The following KIAA1549 variants were observed in gnomAD, a reference collection of about 807,000 sequenced individuals.
KIAA1549 encodes KIAA1549.
KIAA1549 carries 70 observed loss-of-function variants against 156.4 expected under a neutral mutation model. The observed-to-expected ratio is 0.45, with a 90% CI of 0.37 to 0.55. KIAA1549 has a LOEUF of 0.55. Ranked by LOEUF, KIAA1549 falls within the 20% of genes least tolerant of loss-of-function variation. The pLI is 0.00. For missense variants in KIAA1549, 2,428 were observed against 2,540.9 expected (o/e 0.96, Z 0.96); for synonymous variants, 1,103 against 1,066.4 (o/e 1.03, Z -0.67).
Position 138,919,081 on chromosome 7 carries a change from G to A in KIAA1549, c.545C>T (p.Pro182Leu). 1 of 1,613,986 alleles carries A rather than the reference G, an allele frequency of 6.2e-7. No individual in the cohort carries two copies. Among genetic ancestry groups the A allele is most frequent in the Non-Finnish European group, 8.5e-7 (1 of 1,179,876 alleles). ...TAATGCTTCCCTGGGCAGCCCTGGT[G>A]GGCTGACTGTGATATACTGTATTGG... is the stretch of plus-strand genomic sequence containing the variant. ...VSPIQYITVS[P>L]PGLPREALEP... The change falls in exon 2 of 20, where the codon CCA becomes CTA. Residue 182 changes from proline to leucine, a missense_variant. Pro to Leu is a moderately conservative substitution (Grantham distance 98, BLOSUM62 -3). Coordinates refer to ENST00000422774, the MANE Select transcript of KIAA1549 (RefSeq NM_001164665.2).
Position 138,919,075 on chromosome 7 carries a change from C to G in KIAA1549, c.551G>C (p.Gly184Ala), listed in dbSNP as rs767003846. The G allele has an allele frequency of 6.2e-7, 1 of 1,613,966 alleles. No homozygotes were observed. Among genetic ancestry groups the G allele is most frequent in the Non-Finnish European group, 8.5e-7 (1 of 1,179,876 alleles). Reference sequence around the variant, plus strand: ...AGGTTCTAATGCTTCCCTGGGCAGCCCTGGTGGGCTGACTGTGATATACTG... The same window carrying G: ...AGGTTCTAATGCTTCCCTGGGCAGCGCTGGTGGGCTGACTGTGATATACTG... ...PIQYITVSPPGLPREALEPML... is the reference protein window; with the variant it reads ...PIQYITVSPPALPREALEPML... Residue 184 changes from glycine (G) to alanine (A), a missense_variant, in exon 2 of 20, where the codon GGG becomes GCG. Coordinates refer to ENST00000422774, the MANE Select transcript of KIAA1549 (RefSeq NM_001164665.2).
At chr7:138,961,712 C>T (rs141537154) in intron 1 of KIAA1549, among the ~76,000 whole-genome samples, 15 of 152,170 alleles carry the variant, frequency 9.9e-5, no homozygotes, top group African/African-American at 3.4e-4. Flanking sequence ...CACAGTGGCT[C>T]ATGCCTGTAG....
intron 12 of KIAA1549, among the ~76,000 whole-genome samples, chr7:138,875,283 A>G (rs1811049209): frequency 6.6e-6 from 1 of 150,946 alleles, no homozygotes; most frequent in South Asian, 2.1e-4. Context: ...CAAAAAACAC[A>G]TCATGTTGTA....
chr7:138,920,362 T>C (rs60054235), intron 1 of KIAA1549, among the ~76,000 whole-genome samples: 24,866 of 152,112 alleles, frequency 0.16, 2,665 homozygotes, highest in African/African-American at 0.3. Flanking sequence ...AAATGAACTA[T>C]CTGATCACTA....
In KIAA1549 at chr7:138,978,179, T is replaced by C. The variant is rs1292385985; in HGVS notation, c.187+2904A>G. On this transcript the variant is annotated intron_variant, in intron 1 of 19. Coordinates refer to ENST00000422774, the MANE Select transcript of KIAA1549 (RefSeq NM_001164665.2). Reference sequence around the variant, plus strand: ...GTAAATACAATTGTGCATATAATTCTTTTTTTAATGTTAACAACAAAAAAA... The same window carrying C: ...GTAAATACAATTGTGCATATAATTCCTTTTTTAATGTTAACAACAAAAAAA... 2.0e-5 allele frequency among the ~76,000 whole-genome samples: 3 copies of C among 152,214 alleles called. No homozygotes were observed. The East Asian group carries it at 5.8e-4, about 29-fold the overall frequency.
At chr7:138,872,371 A>AG (rs1403597544) in intron 12 of KIAA1549, among the ~76,000 whole-genome samples, 9 of 152,006 alleles carry the variant, frequency 5.9e-5, no homozygotes, top group African/African-American at 2.2e-4. Flanking sequence ...AAAAAAAAAA[A>AG]AAAGAAATTC....
chr7:138,844,210 C>G, intron 18 of KIAA1549, 107 bp downstream of exon 18: 1 of 1,246,954 alleles, frequency 8.0e-7, no homozygotes, highest in Non-Finnish European at 1.1e-6. Flanking sequence ...CCTGAAACAG[C>G]AGTGGCAGAG....
intron 8 of KIAA1549, among the ~76,000 whole-genome samples, chr7:138,899,840 C>T (rs1811791920): frequency 6.6e-6 from 1 of 152,170 alleles, no homozygotes; most frequent in African/African-American, 2.4e-5. Context: ...TGATTCATCC[C>T]AAAACTTCTC....
In KIAA1549 at chr7:138,962,139, G is replaced by A. The variant is rs1354389917; in HGVS notation, c.187+18944C>T. 5.9e-5 allele frequency among the ~76,000 whole-genome samples: 9 copies of A among 152,084 alleles called. No individual in the cohort carries two copies. The East Asian group carries it at 1.7e-3, about 29-fold the overall frequency. The stretch of plus-strand genomic sequence containing the variant: ...TAATTGTACTGGATAGGGTTATCAG[G>A]ATTACATGGCTTAATACAATTAATA... On this transcript the variant is annotated intron_variant, in intron 1 of 19. Transcript: ENST00000422774.
At chr7:138,961,883 G>A (rs1486505858) in intron 1 of KIAA1549, among the ~76,000 whole-genome samples, 2 of 150,084 alleles carry the variant, frequency 1.3e-5, no homozygotes, top group African/African-American at 4.9e-5. Context: ...AAAAAGAAAA[G>A]AAAGGAAGAA....
chr7:138,958,325 C>T (rs981874866), intron 1 of KIAA1549, among the ~76,000 whole-genome samples: 5 of 152,178 alleles, frequency 3.3e-5, no homozygotes, highest in African/African-American at 1.2e-4. Flanking sequence ...CTCTCCTGAC[C>T]AAGGGACGGG....
chr7:138,935,944 T>C (rs1812997895), intron 1 of KIAA1549, among the ~76,000 whole-genome samples: 1 of 152,106 alleles, frequency 6.6e-6, no homozygotes, highest in Admixed American at 6.6e-5. Context: ...ACTAGAAAAG[T>C]TGGCCCAAGA....
intron 8 of KIAA1549, among the ~76,000 whole-genome samples, chr7:138,901,676 T>C (rs980125167): frequency 7.2e-5 from 11 of 152,202 alleles, no homozygotes; most frequent in Admixed American, 2.6e-4. Flanking sequence ...AATGACTGCA[T>C]AAAATTCCAA....
chr7:138,849,120 T>C (rs1389511202), intron 17 of KIAA1549, among the ~76,000 whole-genome samples: 1 of 152,220 alleles, frequency 6.6e-6, no homozygotes, highest in African/African-American at 2.4e-5. Flanking sequence ...ATTCTTCTTA[T>C]TGATAATTTG....
Position 138,855,058 on chromosome 7 carries a change from G to A in KIAA1549, c.5248-2789C>T, listed in dbSNP as rs368688057. Among the ~76,000 whole-genome samples the A allele has an allele frequency of 2.0e-5, 3 of 152,240 alleles. No homozygotes were observed. In the East Asian group the frequency reaches 5.8e-4, roughly 29 times the overall value. ...TCCCCAGAATGCTCAGCATTACATT[G>A]CCACTTAGAGAGAGTACACTGAGGG... On this transcript the variant is annotated intron_variant, in intron 16 of 19. Coordinates refer to ENST00000422774, the MANE Select transcript of KIAA1549 (RefSeq NM_001164665.2).
chr7:138,882,146 G>A (rs1205926891), intron 10 of KIAA1549, among the ~76,000 whole-genome samples: 1 of 152,178 alleles, frequency 6.6e-6, no homozygotes, highest in Non-Finnish European at 1.5e-5. Flanking sequence ...TTCTAAACAG[G>A]CAGATTTCTA....
chr7:138,936,097 C>T (rs2130513266), intron 1 of KIAA1549, among the ~76,000 whole-genome samples: 1 of 152,282 alleles, frequency 6.6e-6, no homozygotes, highest in Non-Finnish European at 1.5e-5. Context: ...CACAGATATG[C>T]ATGGTTGATG....
At chr7:138,946,144 A>G (rs1352435711) in intron 1 of KIAA1549, among the ~76,000 whole-genome samples, 1 of 152,006 alleles carries the variant, frequency 6.6e-6, no homozygotes, top group Non-Finnish European at 1.5e-5. Context: ...CTGGTTTAAC[A>G]TATCATAATA....
At chr7:138,906,077 C>T (rs1354889598) in intron 6 of KIAA1549, among the ~76,000 whole-genome samples, 3 of 152,198 alleles carry the variant, frequency 2.0e-5, no homozygotes, top group Non-Finnish European at 4.4e-5. Flanking sequence ...CCTTTACTCT[C>T]CAAATAATAA....
Sources: allele counts gnomAD v4.1 joint callset (sites outside exome capture counted in the v4.1 genomes callset), GRCh38; gene constraint gnomAD v4.1.1; transcripts MANE v1.5; gene names NCBI Gene and HGNC (gene_info 2026-07-23, HGNC 2026-07-21).